OPA3: variants seen among roughly 807,000 people sequenced by gnomAD.
OPA3 encodes the protein optic atrophy 3 protein.
A neutral mutation model predicts 4.0 loss-of-function variants in OPA3; 6 were observed. The observed-to-expected ratio is 1.51, with a 90% confidence interval of 0.83 to 2.99. The LOEUF (loss-of-function observed/expected upper bound fraction) is 2.99, where lower values mean the gene tolerates loss of function less well. Ranked by LOEUF, OPA3 falls within the 30% of genes most tolerant of loss-of-function variation. The pLI, the probability that OPA3 is intolerant of heterozygous loss-of-function variation, is 0.00. For synonymous variants in OPA3, 105 were observed against 117.1 expected (o/e 0.90, Z 0.67); for missense variants, 235 against 256.2 (o/e 0.92, Z 0.56).
chr19:45,584,537 C>T (rs1969903262), intron 1 of OPA3, 86 bp downstream of exon 1: 1 of 1,608,060 alleles, frequency 6.2e-7, no homozygotes, highest in Non-Finnish European at 8.5e-7. Context: ...TGTGATTGGT[C>T]GTAGACAGAA....
Position 45,552,015 on chromosome 19 carries a change from C to G in OPA3, c.*1499G>C. 1.0e-6 allele frequency: 1 copy of G among 985,554 alleles called. No homozygotes were observed. The allele number at this position is 985,554 out of a possible 1,614,324, so 61.1% of individuals were successfully genotyped here. A position where few individuals can be genotyped will look rare whatever the true frequency, so the allele number is the denominator to read the frequency against. The stretch of plus-strand genomic sequence containing the variant: ...TAGGGGGCTGAGGCTGAAGGACAGG[C>G]TGGATTAGCCCTAGTTAGGATCAAA... On this transcript the variant is annotated 3_prime_UTR_variant, in exon 2 of 2. Coordinates refer to ENST00000263275, the MANE Select transcript of OPA3 (RefSeq NM_025136.4).
At chr19:45,545,922 C>T (rs1222997706), downstream of OPA3, among the ~76,000 whole-genome samples, 1 of 151,928 alleles carries the variant, frequency 6.6e-6, no homozygotes, top group Non-Finnish European at 1.5e-5. Context: ...CCATGTTGCC[C>T]AGGCTGGTCT....
Position 45,584,719 on chromosome 19 carries a change from T to G in OPA3, c.46A>C (p.Ile16Leu). ...FPMAKLLYLG[I>L]RQVSKPLANR... The stretch of plus-strand genomic sequence containing the variant: ...GCAAGCGGCTTGCTGACCTGCCGGA[T>G]GCCCAAGTATAGCAGCTTCGCCATA... Residue 16 changes from isoleucine to leucine, a missense_variant, in exon 1 of 2, where the codon ATC (isoleucine) becomes CTC (leucine). Physicochemically the swap from Ile to Leu is conservative, Grantham distance 5. Transcript: ENST00000263275. 6.2e-7 allele frequency: 1 copy of G among 1,614,182 alleles called. No homozygotes were observed. The highest frequency in any genetic ancestry group is 1.3e-5 in the African/African-American group (1 of 75,066).
chr19:45,582,842 CT>C (rs1245543726), intron 1 of OPA3, among the ~76,000 whole-genome samples: 2 of 152,160 alleles, frequency 1.3e-5, no homozygotes, highest in Non-Finnish European at 2.9e-5. Flanking sequence ...AATTTCTAAT[CT>C]TGTGGCTAAT....
chr19:45,572,552 C>T (rs1969693782), intron 1 of OPA3, among the ~76,000 whole-genome samples: 2 of 100,368 alleles, frequency 2.0e-5, no homozygotes, highest in Admixed American at 1.1e-4. Context: ...ATATATATAT[C>T]ATATATGGAT....
chr19:45,553,110 G>C lies in OPA3; in HGVS notation c.*404C>G. On this transcript the variant is annotated 3_prime_UTR_variant, in exon 2 of 2. Coordinates refer to ENST00000263275, the MANE Select transcript of OPA3 (RefSeq NM_025136.4). ...CTGTGCCGATTGACAAAAAGAAGAAGGTGTTCCAGTGTAACAGATGAGTGT... is the reference window on the plus strand; with the variant it reads ...CTGTGCCGATTGACAAAAAGAAGAACGTGTTCCAGTGTAACAGATGAGTGT... The C allele has an allele frequency of 1.7e-6, 2 of 1,143,676 alleles. No individual in the cohort carries two copies. Among genetic ancestry groups the C allele is most frequent in the Non-Finnish European group, 2.2e-6 (2 of 924,366 alleles). 70.8% of individuals were successfully genotyped at this position (1,143,676 alleles called of 1,614,324 possible). A position where few individuals can be genotyped will look rare whatever the true frequency, so the allele number is the denominator to read the frequency against.
chr19:45,538,000 G>A (rs191982114), intron 1 of OPA3, among the ~76,000 whole-genome samples: 2 of 150,846 alleles, frequency 1.3e-5, no homozygotes, highest in Admixed American at 1.3e-4. Context: ...AGGCTGAGGC[G>A]GGAGGACTGC....
In OPA3 at chr19:45,553,598, C is replaced by A; in HGVS notation, c.456G>T (p.Leu152=). 1.2e-6 allele frequency: 2 copies of A among 1,611,484 alleles called. No homozygotes were observed. The highest frequency in any genetic ancestry group is 1.1e-5 in the South Asian group (1 of 91,066). ...AAPPQGALEE[L]RTELQEVRAQ... is the part of the protein sequence containing the mutation. The stretch of plus-strand genomic sequence containing the variant: ...CGCGCACCTCTTGCAGCTCTGTGCG[C>A]AGTTCCTCCAGGGCGCCCTGTGGCG... Residue 152 remains leucine, a synonymous_variant, in exon 2 of 2, where the codon CTG becomes CTT. Coordinates refer to ENST00000263275, the MANE Select transcript of OPA3 (RefSeq NM_025136.4).
intron 1 of OPA3, among the ~76,000 whole-genome samples, chr19:45,572,155 A>T (rs1015107329): frequency 5.0e-5 from 7 of 140,998 alleles, no homozygotes; most frequent in Non-Finnish European, 9.1e-5. Flanking sequence ...TTTAGTAGAG[A>T]CGGGGTTTCT....
chr19:45,553,287 T>A lies in OPA3; in HGVS notation c.*227A>T. ...CCTTGCAGGTCGTCCTGGTTTGGAG[T>A]GGGGGATAGGAGGTGAAGGATGATG... On this transcript the variant is annotated 3_prime_UTR_variant, in exon 2 of 2. Coordinates refer to ENST00000263275, the MANE Select transcript of OPA3 (RefSeq NM_025136.4). The A allele has an allele frequency of 7.0e-7, 1 of 1,424,400 alleles. No homozygotes were observed. The highest frequency in any genetic ancestry group is 9.2e-7 in the Non-Finnish European group (1 of 1,092,448). 88.2% of individuals were successfully genotyped at this position (1,424,400 alleles called of 1,614,324 possible). A position where few individuals can be genotyped will look rare whatever the true frequency, so the allele number is the denominator to read the frequency against.
chr19:45,528,662 T>G, exon 2 of OPA3: 1 of 208,660 alleles, frequency 4.8e-6, no homozygotes, highest in Non-Finnish European at 9.7e-6. Context: ...GGTGACAGAA[T>G]GAGAGGTGGC....
chr19:45,534,314 C>G (rs1969091585), intron 1 of OPA3, among the ~76,000 whole-genome samples: 1 of 152,074 alleles, frequency 6.6e-6, no homozygotes, highest in Non-Finnish European at 1.5e-5. Context: ...GTAATCCCAG[C>G]ACTTTGGGAG....
chr19:45,536,559 A>G (rs1969120854), intron 1 of OPA3, among the ~76,000 whole-genome samples: 1 of 152,092 alleles, frequency 6.6e-6, no homozygotes, highest in Admixed American at 6.6e-5. Flanking sequence ...AAAAAAAAAA[A>G]AAAAAGTGTA....
chr19:45,566,974 A>G (rs1568406932), intron 1 of OPA3, among the ~76,000 whole-genome samples: 1 of 152,154 alleles, frequency 6.6e-6, no homozygotes, highest in Non-Finnish European at 1.5e-5. Flanking sequence ...CAGTTATTAA[A>G]CAAAGCATGG....
intron 1 of OPA3, among the ~76,000 whole-genome samples, chr19:45,563,974 A>G (rs984116235): frequency 1.3e-5 from 2 of 151,730 alleles, no homozygotes; most frequent in Non-Finnish European, 2.9e-5. Context: ...ACCGGTGTGC[A>G]CCACTGTGCC....
At position 45,553,852 on chromosome 19, in the gene OPA3, T is replaced by C; in HGVS notation, c.202A>G (p.Ile68Val). The change falls in exon 2 of 2, where the codon ATC becomes GTC. Residue 68 changes from isoleucine (I) to valine (V), a missense_variant. Coordinates refer to ENST00000263275, the MANE Select transcript of OPA3 (RefSeq NM_025136.4). ...GCCGCCTCCTCGTTCAGCGGCTTGA[T>C]GACCGTGCCCCGGAAGCCCATGATG... is the stretch of plus-strand genomic sequence containing the variant. Reference protein sequence around the residue: ...MRIMGFRGTVIKPLNEEAAAE... With the variant: ...MRIMGFRGTVVKPLNEEAAAE... The C allele has an allele frequency of 6.2e-7, 1 of 1,612,400 alleles. No homozygotes were observed. The highest frequency in any genetic ancestry group is 1.1e-5 in the South Asian group (1 of 91,030).
At chr19:45,579,309 C>T (rs1479997481) in intron 1 of OPA3, among the ~76,000 whole-genome samples, 2 of 152,134 alleles carry the variant, frequency 1.3e-5, no homozygotes, top group Non-Finnish European at 2.9e-5. Flanking sequence ...CAACCTCTGC[C>T]TCTTGGGTTC....
chr19:45,528,983 C>A (rs770344909), exon 2 of OPA3: 108 of 1,514,174 alleles, frequency 7.1e-5, no homozygotes, highest in Non-Finnish European at 9.2e-5. Context: ...TGGGACAGTG[C>A]GGAGAATAGG....
At chr19:45,564,864 CA>C (rs1969559304) in intron 1 of OPA3, among the ~76,000 whole-genome samples, 1 of 152,214 alleles carries the variant, frequency 6.6e-6, no homozygotes. Flanking sequence ...AATGTCCTAT[CA>C]TAAGTCTCTG....
Sources: allele counts gnomAD v4.1 joint callset (sites outside exome capture counted in the v4.1 genomes callset), GRCh38; gene constraint gnomAD v4.1.1; transcripts MANE v1.5; gene names NCBI Gene and HGNC (gene_info 2026-07-23, HGNC 2026-07-21).